KIAA0232: variants seen among roughly 807,000 people sequenced by gnomAD.
KIAA0232 encodes KIAA0232.
KIAA0232 carries 27 observed loss-of-function variants against 122.0 expected under a neutral mutation model. That is an observed-to-expected ratio of 0.22 (90% CI 0.16 to 0.31). The LOEUF (loss-of-function observed/expected upper bound fraction) is 0.31, where lower values mean the gene tolerates loss of function less well. Ranked by LOEUF, KIAA0232 falls within the 10% of genes least tolerant of loss-of-function variation. KIAA0232 has a pLI of 1.00. For missense variants in KIAA0232, 1,551 were observed against 1,634.2 expected (o/e 0.95, Z 0.88); for synonymous variants, 613 against 587.6 (o/e 1.04, Z -0.63).
At chr4:6,874,176 C>G (rs1323444522) in intron 8 of KIAA0232, among the ~76,000 whole-genome samples, 1 of 152,230 alleles carries the variant, frequency 6.6e-6, no homozygotes. Flanking sequence ...ATATGTGCAT[C>G]CCTTCAGCAC....
chr4:6,857,333 C>G (rs1720619889), intron 5 of KIAA0232, 103 bp downstream of exon 5: 1 of 1,014,930 alleles, frequency 9.9e-7, no homozygotes, highest in Non-Finnish European at 1.4e-6. Context: ...ACAACCAGAA[C>G]AAAGTCTTTG....
At chr4:6,808,347 GAA>G (rs1329251491) in intron 2 of KIAA0232, among the ~76,000 whole-genome samples, 4 of 151,244 alleles carry the variant, frequency 2.6e-5, no homozygotes, top group Non-Finnish European at 4.4e-5. Flanking sequence ...GAATAATTAT[GAA>G]AAGACAGTTG....
At chr4:6,841,087 G>A (rs1367894987) in intron 3 of KIAA0232, among the ~76,000 whole-genome samples, 1 of 152,192 alleles carries the variant, frequency 6.6e-6, no homozygotes, top group Non-Finnish European at 1.5e-5. Context: ...TGCTACAGAT[G>A]TGATGTTTCT....
chr4:6,858,753 T>C (rs1364530788), intron 6 of KIAA0232, among the ~76,000 whole-genome samples: 1 of 152,234 alleles, frequency 6.6e-6, no homozygotes, highest in Non-Finnish European at 1.5e-5. Flanking sequence ...TATTATTTGC[T>C]AAGTCTATGT....
intron 3 of KIAA0232, among the ~76,000 whole-genome samples, chr4:6,827,257 A>AGGT (rs1220089536): frequency 6.6e-6 from 1 of 152,230 alleles, no homozygotes; most frequent in East Asian, 1.9e-4. Flanking sequence ...CCCTTGTTAA[A>AGGT]GGTGGCAAAA....
chr4:6,817,378 G>A (rs368462311), intron 2 of KIAA0232, among the ~76,000 whole-genome samples: 59 of 152,118 alleles, frequency 3.9e-4, no homozygotes, highest in African/African-American at 8.9e-4. Context: ...CACCATGCCC[G>A]GCTAATTTTT....
intron 3 of KIAA0232, among the ~76,000 whole-genome samples, chr4:6,841,345 G>T (rs1007597566): frequency 1.3e-5 from 2 of 152,298 alleles, no homozygotes; most frequent in African/African-American, 4.8e-5. Flanking sequence ...ACTTAAGTTA[G>T]CAAGGCGCTT....
chr4:6,857,712 A>G (rs6845772), intron 5 of KIAA0232, among the ~76,000 whole-genome samples: 125,054 of 152,192 alleles, frequency 0.82, 52,091 homozygotes, highest in Non-Finnish European at 0.91. Context: ...AGCTTTTTTG[A>G]AAACACAGAC....
chr4:6,820,329 A>C (rs1718363068), intron 2 of KIAA0232, among the ~76,000 whole-genome samples: 1 of 152,224 alleles, frequency 6.6e-6, no homozygotes, highest in Non-Finnish European at 1.5e-5. Context: ...AAAAGCTGGC[A>C]TGTTTAGGCT....
chr4:6,829,907 G>T (rs1465064239), intron 3 of KIAA0232, among the ~76,000 whole-genome samples: 1 of 152,176 alleles, frequency 6.6e-6, no homozygotes. Context: ...GTGTGTTTCA[G>T]TATTGTTCTT....
chr4:6,836,479 C>G (rs570653919), intron 3 of KIAA0232, among the ~76,000 whole-genome samples: 1 of 144,410 alleles, frequency 6.9e-6, no homozygotes, highest in Non-Finnish European at 1.5e-5. Flanking sequence ...TTCTTTGTTT[C>G]TCACTCTATT....
chr4:6,823,663 T>G (rs1460215145), intron 2 of KIAA0232, among the ~76,000 whole-genome samples: 3 of 152,110 alleles, frequency 2.0e-5, no homozygotes, highest in African/African-American at 7.2e-5. Flanking sequence ...AACTAGTGAT[T>G]TATTAGTTGT....
At chr4:6,838,258 T>G (rs535126637) in intron 3 of KIAA0232, among the ~76,000 whole-genome samples, 1 of 151,784 alleles carries the variant, frequency 6.6e-6, no homozygotes. Flanking sequence ...GCGTGATCTC[T>G]GCTCACTGCA....
intron 4 of KIAA0232, among the ~76,000 whole-genome samples, chr4:6,846,748 G>C (rs907635846): frequency 2.6e-5 from 4 of 152,132 alleles, no homozygotes; most frequent in African/African-American, 9.6e-5. Context: ...TGTGTCCCCT[G>C]GGTTTCTTTT....
chr4:6,848,842 AC>A (rs1208025394), intron 4 of KIAA0232, among the ~76,000 whole-genome samples: 1 of 152,058 alleles, frequency 6.6e-6, no homozygotes, highest in Non-Finnish European at 1.5e-5. Flanking sequence ...ACAGACCAGA[AC>A]CCCCTGGGAA....
At chr4:6,856,259 C>T (rs1299254509) in intron 4 of KIAA0232, among the ~76,000 whole-genome samples, 1 of 152,148 alleles carries the variant, frequency 6.6e-6, no homozygotes, top group Non-Finnish European at 1.5e-5. Flanking sequence ...CTCCATCACG[C>T]GCATCTGTTT....
intron 2 of KIAA0232, among the ~76,000 whole-genome samples, chr4:6,823,599 CAT>C (rs1718521699): frequency 6.6e-6 from 1 of 151,890 alleles, no homozygotes; most frequent in African/African-American, 2.4e-5. Context: ...TTTTTTTACC[CAT>C]GTTTCAATGA....
chr4:6,840,681 T>C (rs185341804), intron 3 of KIAA0232, among the ~76,000 whole-genome samples: 1 of 152,182 alleles, frequency 6.6e-6, no homozygotes, highest in Admixed American at 6.5e-5. Context: ...GAGTAACTAT[T>C]TGACAAATGT....
At chr4:6,858,561 A>G in intron 6 of KIAA0232, 55 bp downstream of exon 6, 2 of 1,130,564 alleles carry the variant, frequency 1.8e-6, no homozygotes, top group Non-Finnish European at 2.6e-6. Context: ...TCAGATGAAT[A>G]ACTGCTACAT....
Sources: allele counts gnomAD v4.1 joint callset (sites outside exome capture counted in the v4.1 genomes callset), GRCh38; gene constraint gnomAD v4.1.1; transcripts MANE v1.5; gene names NCBI Gene and HGNC (gene_info 2026-07-23, HGNC 2026-07-21).